Variants in FRMD3 observed in about 807,000 individuals in gnomAD.
FRMD3 encodes the protein FERM domain-containing protein 3.
In FRMD3, 33 loss-of-function variants were observed where a neutral mutation model predicts 70.2. The ratio of observed to expected loss-of-function variants is 0.47; its 90% confidence interval spans 0.36 to 0.63. The LOEUF (loss-of-function observed/expected upper bound fraction) is 0.63, where lower values mean the gene tolerates loss of function less well. Among genes scored for constraint, FRMD3 ranks in the 20% least tolerant of loss-of-function variants. The pLI is 0.00. For synonymous variants in FRMD3, 279 were observed against 255.9 expected (o/e 1.09, Z -0.86); for missense variants, 632 against 711.4 (o/e 0.89, Z 1.27).
At chr9:83,379,010 G>C (rs1825277158) in intron 2 of FRMD3, among the ~76,000 whole-genome samples, 2 of 150,868 alleles carry the variant, frequency 1.3e-5, no homozygotes. Context: ...TTAACTGTGT[G>C]AGCCACCACG....
intron 1 of FRMD3, among the ~76,000 whole-genome samples, chr9:83,462,487 G>A (rs930769888): frequency 6.6e-6 from 1 of 152,100 alleles, no homozygotes; most frequent in Admixed American, 6.6e-5. Flanking sequence ...GGCAAGGCTG[G>A]GAGTCCATAT....
the FRMD3 span, among the ~76,000 whole-genome samples, chr9:83,565,594 C>T: frequency 5.1e-3 from 772 of 152,334 alleles, 7 homozygotes; most frequent in African/African-American, 0.018. Flanking sequence ...TGCAAAGATA[C>T]TGCCCGTAGC....
At chr9:83,556,044 A>G in the FRMD3 span, among the ~76,000 whole-genome samples, 11 of 152,170 alleles carry the variant, frequency 7.2e-5, no homozygotes, top group Non-Finnish European at 1.3e-4. Context: ...CCAATGCCCA[A>G]TGGACGTTTC....
chr9:83,269,728 A>G lies in FRMD3; in HGVS notation c.1195+20875T>C, dbSNP rs370056638. On this transcript the variant is annotated intron_variant, in intron 13 of 13. Coordinates refer to ENST00000304195, the MANE Select transcript of FRMD3 (RefSeq NM_174938.6). ...TGTCTCAAAAAACAAAAGTATTATT[A>G]TTATTTTACTATAAACAAACAAACA... Among the ~76,000 whole-genome samples, 4 of 152,132 alleles carry G rather than the reference A, an allele frequency of 2.6e-5. No individual in the cohort carries two copies. In the East Asian group the frequency reaches 7.7e-4, roughly 29 times the overall value.
At position 83,246,597 on chromosome 9, in the gene FRMD3, C is replaced by T. The variant is rs1832109416; in HGVS notation, c.*1321G>A. On this transcript the variant is annotated 3_prime_UTR_variant, in exon 14 of 14. Transcript: ENST00000304195. The stretch of plus-strand genomic sequence containing the variant: ...TGGGAAAGGAAAGGAGTATAATGAC[C>T]ACCGCAAAACATGATCATGGACATG... 1.0e-6 allele frequency: 1 copy of T among 984,702 alleles called. No individual in the cohort carries two copies. 61.0% of individuals were successfully genotyped at this position (984,702 alleles called of 1,614,324 possible).
chr9:83,378,511 T>C (rs1198816531), intron 2 of FRMD3, among the ~76,000 whole-genome samples: 1 of 68,066 alleles, frequency 1.5e-5, no homozygotes, highest in Non-Finnish European at 3.0e-5. Flanking sequence ...TTTATATATA[T>C]AATATACATA....
the FRMD3 span, among the ~76,000 whole-genome samples, chr9:83,581,974 G>A: frequency 0.012 from 1,780 of 152,242 alleles, 32 homozygotes; most frequent in African/African-American, 0.041. Flanking sequence ...CGATGCTTGC[G>A]TAACTCTGTG....
intron 6 of FRMD3, among the ~76,000 whole-genome samples, chr9:83,331,243 C>T (rs1233611295): frequency 6.6e-6 from 1 of 152,174 alleles, no homozygotes; most frequent in Non-Finnish European, 1.5e-5. Context: ...ATGATACATA[C>T]AGACAATGGA....
chr9:83,334,070 A>G lies in FRMD3; in HGVS notation c.596+1446T>C, dbSNP rs140420433. ...GAAAACCTTTCCATTCCCATCTCCT[A>G]TCAATTCAAACAGTGGGTGCAACTC... is the stretch of plus-strand genomic sequence containing the variant. On this transcript the variant is annotated intron_variant, in intron 6 of 13. Transcript: ENST00000304195. 8.8e-4 allele frequency among the ~76,000 whole-genome samples: 134 copies of G among 152,216 alleles called. 1 individual carries two copies. In the East Asian group the frequency reaches 0.024, roughly 27 times the overall value.
At chr9:83,423,074 T>TA (rs769002406) in intron 1 of FRMD3, among the ~76,000 whole-genome samples, 1 of 151,998 alleles carries the variant, frequency 6.6e-6, no homozygotes, top group Non-Finnish European at 1.5e-5. Context: ...GTAAAGCCAA[T>TA]AAAAAAGCAC....
the FRMD3 span, among the ~76,000 whole-genome samples, chr9:83,562,693 C>T: frequency 2.0e-5 from 3 of 152,116 alleles, no homozygotes; most frequent in Admixed American, 6.5e-5. Context: ...TTGCTGTCAC[C>T]GAGCCACAGG....
chr9:83,469,364 T>G (rs1451127427), intron 1 of FRMD3, among the ~76,000 whole-genome samples: 5 of 152,234 alleles, frequency 3.3e-5, no homozygotes, highest in Non-Finnish European at 5.9e-5. Flanking sequence ...AAGCCACTTC[T>G]AAGAAAGTCA....
At chr9:83,378,979 C>T (rs1403742107) in intron 2 of FRMD3, among the ~76,000 whole-genome samples, 1 of 150,700 alleles carries the variant, frequency 6.6e-6, no homozygotes, top group Non-Finnish European at 1.5e-5. Context: ...CCACCTGCCT[C>T]AGCCTCTCAA....
intron 6 of FRMD3, among the ~76,000 whole-genome samples, chr9:83,314,152 C>T (rs948346433): frequency 6.6e-6 from 1 of 152,142 alleles, no homozygotes; most frequent in Non-Finnish European, 1.5e-5. Context: ...ATGCACAATC[C>T]TGTTACCCCA....
At position 83,342,222 on chromosome 9, in the gene FRMD3, C is replaced by T. The variant is rs1403833822; in HGVS notation, c.472+968G>A. Among the ~76,000 whole-genome samples the T allele has an allele frequency of 6.6e-5, 10 of 152,282 alleles. No homozygotes were observed. In the Middle Eastern group the frequency reaches 0.014, roughly 207 times the overall value. ...TTTTCACTTGGGTGTTGGGCCCATC[C>T]GTGGCCATATGGTGCCTCAGGCCCT... is the stretch of plus-strand genomic sequence containing the variant. On this transcript the variant is annotated intron_variant, in intron 5 of 13. Transcript: ENST00000304195.
intron 1 of FRMD3, among the ~76,000 whole-genome samples, chr9:83,410,035 C>T (rs72745047): frequency 0.12 from 18,010 of 152,242 alleles, 1,158 homozygotes; most frequent in South Asian, 0.15. Context: ...ATCTTGCTTT[C>T]ATCAGACAAG....
chr9:83,580,263 C>T, the FRMD3 span, among the ~76,000 whole-genome samples: 1 of 151,996 alleles, frequency 6.6e-6, no homozygotes, highest in East Asian at 1.9e-4. Context: ...CTGTACAATC[C>T]GGTACTCTCA....
chr9:83,248,852 GT>G (rs1322850345), intron 13 of FRMD3, among the ~76,000 whole-genome samples: 1 of 152,036 alleles, frequency 6.6e-6, no homozygotes, highest in Non-Finnish European at 1.5e-5. Context: ...TATGAGCACT[GT>G]TTTTTTAGAG....
chr9:83,525,095 T>C (rs1361128177), intron 1 of FRMD3, among the ~76,000 whole-genome samples: 2 of 152,208 alleles, frequency 1.3e-5, no homozygotes, highest in Admixed American at 1.3e-4. Flanking sequence ...AATAATATTG[T>C]GTTTGAATTC....
Sources: allele counts gnomAD v4.1 joint callset (sites outside exome capture counted in the v4.1 genomes callset), GRCh38; gene constraint gnomAD v4.1.1; transcripts MANE v1.5; gene names NCBI Gene and HGNC (gene_info 2026-07-23, HGNC 2026-07-21).